Variants in TBCA observed in about 807,000 individuals in gnomAD.
TBCA encodes tubulin-specific chaperone A.
A neutral mutation model predicts 15.8 loss-of-function variants in TBCA; 6 were observed. The observed-to-expected ratio is 0.38, with a 90% confidence interval of 0.21 to 0.75. The LOEUF (loss-of-function observed/expected upper bound fraction) is 0.75. Among genes scored for constraint, TBCA ranks in the 30% least tolerant of loss-of-function variants. The pLI is 0.46. For missense variants in TBCA, 90 were observed against 131.2 expected, an observed-to-expected ratio of 0.69 and a Z score of 1.53; for synonymous variants, 32 against 42.3, an observed-to-expected ratio of 0.76 and a Z score of 0.94.
chr5:77,723,836 G>C (rs1449396857), intron 1 of TBCA, among the ~76,000 whole-genome samples: 4 of 151,998 alleles, frequency 2.6e-5, no homozygotes, highest in Non-Finnish European at 5.9e-5. Flanking sequence ...TATGATTTAT[G>C]ATTAGAAAAA....
chr5:77,737,073 G>A (rs1298025529), intron 1 of TBCA, among the ~76,000 whole-genome samples: 1 of 152,174 alleles, frequency 6.6e-6, no homozygotes, highest in Admixed American at 6.5e-5. Flanking sequence ...AAGGACGATA[G>A]AGCTTACAAT....
intron 1 of TBCA, among the ~76,000 whole-genome samples, chr5:77,758,915 T>C (rs1483301756): frequency 1.3e-5 from 2 of 152,222 alleles, no homozygotes; most frequent in African/African-American, 4.8e-5. Context: ...CTCCCTGCTG[T>C]CTGTGATCAA....
intron 1 of TBCA, among the ~76,000 whole-genome samples, chr5:77,734,942 G>C (rs917172369): frequency 1.3e-5 from 2 of 152,276 alleles, no homozygotes; most frequent in Middle Eastern, 3.4e-3. Flanking sequence ...TTCACTGAAG[G>C]CTCAGATGAT....
chr5:77,724,218 G>A (rs1304699632), intron 1 of TBCA, among the ~76,000 whole-genome samples: 1 of 151,996 alleles, frequency 6.6e-6, no homozygotes, highest in Non-Finnish European at 1.5e-5. Flanking sequence ...TTTAAAGTAA[G>A]ATATATATCT....
chr5:77,743,530 G>C (rs561701940), intron 1 of TBCA, among the ~76,000 whole-genome samples: 1 of 152,300 alleles, frequency 6.6e-6, no homozygotes, highest in East Asian at 1.9e-4. Flanking sequence ...TGCAGTTTAA[G>C]GAAGGCTCAG....
intron 1 of TBCA, among the ~76,000 whole-genome samples, chr5:77,757,056 T>C (rs1747492698): frequency 6.6e-6 from 1 of 152,218 alleles, no homozygotes; most frequent in South Asian, 2.1e-4. Flanking sequence ...GGTTTTATTC[T>C]GGTTTTCTTT....
chr5:77,691,258 A>G lies in TBCA; in HGVS notation c.*160T>C. 1.6e-6 allele frequency: 1 copy of G among 641,484 alleles called. No homozygotes were observed. Among genetic ancestry groups the G allele is most frequent in the African/African-American group, 1.9e-5 (1 of 51,634 alleles). 39.7% of individuals were successfully genotyped at this position (641,484 alleles called of 1,614,324 possible). A position where few individuals can be genotyped will look rare whatever the true frequency, so the allele number is the denominator to read the frequency against. ...ATAAACAATTTTATTAGATGAACTC[A>G]TTTATTTGACATATTAAATTAGACA... On this transcript the variant is annotated 3_prime_UTR_variant, in exon 4 of 4. Transcript: ENST00000380377.
chr5:77,760,444 C>T (rs1028683251), intron 1 of TBCA, among the ~76,000 whole-genome samples: 3 of 151,822 alleles, frequency 2.0e-5, no homozygotes, highest in Non-Finnish European at 4.4e-5. Context: ...TTCTTTCTTT[C>T]GACAGTCTCC....
intron 2 of TBCA, among the ~76,000 whole-genome samples, chr5:77,696,610 T>C (rs960941711): frequency 1.3e-5 from 2 of 152,136 alleles, no homozygotes; most frequent in Non-Finnish European, 2.9e-5. Flanking sequence ...AAAATATATA[T>C]AATGTAAACA....
intron 1 of TBCA, among the ~76,000 whole-genome samples, chr5:77,718,166 TTAA>T (rs1201580631): frequency 6.6e-6 from 1 of 152,136 alleles, no homozygotes. Flanking sequence ...CACTTTGTTT[TTAA>T]TAATCATGGT....
intron 1 of TBCA, among the ~76,000 whole-genome samples, chr5:77,765,354 T>C (rs1256965841): frequency 6.6e-6 from 1 of 152,238 alleles, no homozygotes; most frequent in Non-Finnish European, 1.5e-5. Context: ...GACCATACTT[T>C]GGAAGCTATC....
At chr5:77,770,570 C>T (rs1309001723) in intron 1 of TBCA, among the ~76,000 whole-genome samples, 1 of 68,586 alleles carries the variant, frequency 1.5e-5, no homozygotes, top group Non-Finnish European at 2.5e-5. Flanking sequence ...TAGATATCCT[C>T]CCCCGCTCCA....
intron 2 of TBCA, among the ~76,000 whole-genome samples, chr5:77,700,860 G>C (rs1745995183): frequency 6.6e-6 from 1 of 152,114 alleles, no homozygotes; most frequent in Non-Finnish European, 1.5e-5. Context: ...GGGACAATTG[G>C]CATGCCACAT....
intron 1 of TBCA, among the ~76,000 whole-genome samples, chr5:77,753,731 T>C (rs949449467): frequency 6.6e-6 from 1 of 152,216 alleles, no homozygotes; most frequent in Non-Finnish European, 1.5e-5. Flanking sequence ...AAAACTATTA[T>C]AGTTTCCTTT....
rs1199616890 is a variant in TBCA, at chr5:77,776,219, G to A, written c.39C>T (p.Thr13=). 6.4e-7 allele frequency: 1 copy of A among 1,573,760 alleles called. No individual in the cohort carries two copies. Among genetic ancestry groups the A allele is most frequent in the African/African-American group, 1.4e-5 (1 of 74,002 alleles). The change falls in exon 1 of 4, where the codon ACC becomes ACT. Residue 13 remains threonine (T), a synonymous_variant. Coordinates refer to ENST00000380377, the MANE Select transcript of TBCA (RefSeq NM_004607.3). ...CGGCTCCTTACCGCTTCACCACGCC[G>A]GTCTTGATCTTGATCTGTCTCACGC... ...DPRVRQIKIK[T]GVVKRLVKEK... is the part of the protein sequence containing the mutation.
chr5:77,730,049 A>T (rs1173097505), intron 1 of TBCA, among the ~76,000 whole-genome samples: 1 of 152,142 alleles, frequency 6.6e-6, no homozygotes, highest in African/African-American at 2.4e-5. Context: ...TTGATTTTTT[A>T]AAAAAGGAAA....
chr5:77,765,337 G>A (rs1302450465), intron 1 of TBCA, among the ~76,000 whole-genome samples: 1 of 152,176 alleles, frequency 6.6e-6, no homozygotes, highest in African/African-American at 2.4e-5. Context: ...ACCCCAAGGG[G>A]TTCCTAGACC....
At chr5:77,725,818 A>C (rs750841409) in intron 1 of TBCA, among the ~76,000 whole-genome samples, 6 of 152,214 alleles carry the variant, frequency 3.9e-5, no homozygotes, top group Non-Finnish European at 8.8e-5. Flanking sequence ...GAGATGAGTT[A>C]TATTGCAGAT....
At chr5:77,713,371 A>C (rs535125794) in intron 1 of TBCA, among the ~76,000 whole-genome samples, 61 of 152,308 alleles carry the variant, frequency 4.0e-4, no homozygotes, top group African/African-American at 1.4e-3. Flanking sequence ...TGTTCTTTGA[A>C]AATACAGCTG....
Sources: gnomAD v4.1 joint callset for allele counts (sites outside exome capture counted in the v4.1 genomes callset) on GRCh38, gnomAD v4.1.1 for gene constraint, MANE v1.5 for transcripts, NCBI Gene and HGNC (gene_info 2026-07-23, HGNC 2026-07-21) for gene names.